Variants in TRIO observed in about 807,000 individuals in gnomAD.
TRIO encodes the protein triple functional domain protein.
TRIO carries 58 observed loss-of-function variants against 351.9 expected under a neutral mutation model. The ratio of observed to expected loss-of-function variants is 0.16; its 90% CI spans 0.13 to 0.21. The LOEUF is 0.21. TRIO is among the 10% of genes least tolerant of loss of function. The pLI, the probability that TRIO is intolerant of heterozygous loss-of-function variation, is 1.00. For synonymous variants in TRIO, 1,758 were observed against 1,595.7 expected, an observed-to-expected ratio of 1.10 and a Z score of -2.42; for missense variants, 3,201 against 4,027.8, an observed-to-expected ratio of 0.79 and a Z score of 5.56.
chr5:14,498,360 A>G (rs1757038866), intron 52 of TRIO, 109 bp downstream of exon 52: 5 of 1,520,504 alleles, frequency 3.3e-6, no homozygotes, highest in African/African-American at 1.4e-5. Context: ...TGCCTTCGGC[A>G]CTCCACTTCT....
chr5:14,191,986 T>C lies in TRIO; in HGVS notation c.157+48104T>C, dbSNP rs189481791. On this transcript the variant is annotated intron_variant, in intron 1 of 56. Transcript: ENST00000344204. ...TTAGGAGATGTTGGCATATCAAAGATGTGAAGAAAAATAAAAGGAATTCAG... is the reference window on the plus strand; with the variant it reads ...TTAGGAGATGTTGGCATATCAAAGACGTGAAGAAAAATAAAAGGAATTCAG... 2.1e-3 allele frequency among the ~76,000 whole-genome samples: 315 copies of C among 152,298 alleles called. 2 individuals are homozygous for C. Among genetic ancestry groups the C allele is most frequent in the African/African-American group, 7.3e-3 (302 of 41,560 alleles).
At chr5:14,185,826 A>T (rs923596743) in intron 1 of TRIO, among the ~76,000 whole-genome samples, 2 of 152,102 alleles carry the variant, frequency 1.3e-5, no homozygotes, top group East Asian at 3.9e-4. Flanking sequence ...TTACCCAGGG[A>T]TAGTCTAGTT....
intron 44 of TRIO, 33 bp downstream of exon 44, chr5:14,481,317 C>T: frequency 1.2e-6 from 2 of 1,610,014 alleles, no homozygotes; most frequent in Non-Finnish European, 1.7e-6. Context: ...GCACCCAAAT[C>T]CCCACCAGCC....
At position 14,474,033 on chromosome 5, in the gene TRIO, G is replaced by A. The variant is rs1351103922; in HGVS notation, c.6019G>A (p.Asp2007Asn). Residue 2007 changes from aspartate to asparagine, a missense_variant, in exon 40 of 57, where the codon GAC becomes AAC. Around this residue, in one of 19 missense-constraint regions of TRIO, gnomAD observed 307 missense variants for 396.5 expected, o/e 0.77. Transcript: ENST00000344204. Reference protein sequence around the residue: ...ALMKEDGVPDDMKGKDKIVFG... With the variant: ...ALMKEDGVPDNMKGKDKIVFG... ...TATGAAAGAAGATGGTGTTCCTGAT[G>A]ACATGAAAGGAAAAGACAAAATTGT... The A allele has an allele frequency of 6.2e-7, 1 of 1,613,332 alleles. No individual in the cohort carries two copies. Among genetic ancestry groups the A allele is most frequent in the East Asian group, 2.2e-5 (1 of 44,888 alleles).
chr5:14,224,521 G>T (rs1792852454), intron 1 of TRIO, among the ~76,000 whole-genome samples: 2 of 152,010 alleles, frequency 1.3e-5, no homozygotes, highest in Non-Finnish European at 2.9e-5. Flanking sequence ...CACTTACTTT[G>T]TATATATTTT....
At chr5:14,300,519 G>A (rs1737785608) in intron 7 of TRIO, among the ~76,000 whole-genome samples, 1 of 152,234 alleles carries the variant, frequency 6.6e-6, no homozygotes, top group Admixed American at 6.5e-5. Flanking sequence ...CTTACCTGCA[G>A]AGTGAACCAC....
intron 1 of TRIO, among the ~76,000 whole-genome samples, chr5:14,269,237 A>G (rs1329036905): frequency 3.3e-5 from 5 of 152,210 alleles, no homozygotes; most frequent in African/African-American, 1.2e-4. Context: ...AACTGGGTTC[A>G]TTATACACGT....
At chr5:14,495,658 GAAAAAAAAAAAAA>G (rs56018324) in intron 49 of TRIO, among the ~76,000 whole-genome samples, 779 of 32,610 alleles carry the variant, frequency 0.024, 13 homozygotes, top group Admixed American at 0.066. Flanking sequence ...GTCTCTACTA[GAAAAAAAAAAAAA>G]AAAAAAAAAA....
At chr5:14,330,532 G>C (rs968102508) in intron 9 of TRIO, among the ~76,000 whole-genome samples, 4 of 152,202 alleles carry the variant, frequency 2.6e-5, no homozygotes, top group African/African-American at 9.6e-5. Flanking sequence ...TTTATACATA[G>C]AAAGGTTTCC....
Position 14,508,669 on chromosome 5 carries a change from G to C in TRIO, c.*247G>C, listed in dbSNP as rs1482970093. ...TTGCTGTATCACAGTATTTTATTCA[G>C]GTTTCTGCAAAAAAATAAAAAGATA... is the stretch of plus-strand genomic sequence containing the variant. On this transcript the variant is annotated 3_prime_UTR_variant, in exon 57 of 57. Coordinates refer to ENST00000344204, the MANE Select transcript of TRIO (RefSeq NM_007118.4). The C allele has an allele frequency of 4.9e-6, 2 of 410,468 alleles. No homozygotes were observed. Among genetic ancestry groups the C allele is most frequent in the Non-Finnish European group, 4.3e-6 (1 of 234,010 alleles). The allele number at this position is 410,468 out of a possible 1,614,324, so 25.4% of individuals were successfully genotyped here.
intron 9 of TRIO, among the ~76,000 whole-genome samples, chr5:14,323,492 C>T (rs1740079627): frequency 6.8e-6 from 1 of 147,310 alleles, no homozygotes; most frequent in African/African-American, 2.6e-5. Context: ...TTGCCCGTGA[C>T]CATGAAGGAA....
chr5:14,333,257 G>C (rs1465824841), intron 10 of TRIO, among the ~76,000 whole-genome samples: 2 of 152,198 alleles, frequency 1.3e-5, no homozygotes, highest in East Asian at 3.9e-4. Context: ...TGTGTCCAGA[G>C]AAATCCACAG....
chr5:14,385,217 C>T (rs1183436125), intron 21 of TRIO, among the ~76,000 whole-genome samples: 1 of 152,196 alleles, frequency 6.6e-6, no homozygotes, highest in Non-Finnish European at 1.5e-5. Flanking sequence ...CCTGTCTGCC[C>T]CAGCAGTTCC....
At chr5:14,408,941 G>A (rs1376149536) in intron 33 of TRIO, among the ~76,000 whole-genome samples, 5 of 152,110 alleles carry the variant, frequency 3.3e-5, no homozygotes, top group African/African-American at 1.2e-4. Context: ...GCTTTGGAGG[G>A]TTCCTTTTTT....
chr5:14,342,419 A>G (rs1331284828), intron 11 of TRIO, among the ~76,000 whole-genome samples: 1 of 152,204 alleles, frequency 6.6e-6, no homozygotes, highest in Non-Finnish European at 1.5e-5. Flanking sequence ...CTCATTGTGT[A>G]GACTAGCTGC....
rs372684800 is a variant in TRIO at position 14,363,717 on chromosome 5, A to G, written c.2392-15A>G. ...GTATATTTTTTTTGTCTTGATCTTA[A>G]ATACCTTCTTTCAGATTATCTCAGA... On this transcript the variant is annotated splice_polypyrimidine_tract_variant and intron_variant, in intron 13 of 56. Transcript: ENST00000344204. 66 of 1,608,570 alleles carry G rather than the reference A, an allele frequency of 4.1e-5. 1 individual carries two copies. In the African/African-American group the frequency reaches 6.7e-4, roughly 16 times the overall value.
intron 1 of TRIO, among the ~76,000 whole-genome samples, chr5:14,201,120 C>T (rs1476064349): frequency 6.6e-6 from 1 of 151,832 alleles, no homozygotes; most frequent in Non-Finnish European, 1.5e-5. Flanking sequence ...TTTAGCCGGG[C>T]GTTGTGCCAC....
At chr5:14,166,817 G>GGA (rs1237943832) in intron 1 of TRIO, among the ~76,000 whole-genome samples, 1 of 152,148 alleles carries the variant, frequency 6.6e-6, no homozygotes, top group African/African-American at 2.4e-5. Flanking sequence ...AAGGAGAAAG[G>GGA]GAGACGGTAG....
At chr5:14,281,685 C>A (rs1285730616) in intron 3 of TRIO, among the ~76,000 whole-genome samples, 1 of 152,032 alleles carries the variant, frequency 6.6e-6, no homozygotes, top group African/African-American at 2.4e-5. Context: ...AGGGTGAGTC[C>A]TCAGGTGTCT....
Sources: allele counts gnomAD v4.1 joint callset (sites outside exome capture counted in the v4.1 genomes callset), GRCh38; gene constraint gnomAD v4.1.1; regional missense constraint gnomAD v4.1.1; transcripts MANE v1.5; gene names NCBI Gene and HGNC (gene_info 2026-07-23, HGNC 2026-07-21).